The following RAPGEF4 variants were observed in gnomAD, a reference collection of about 807,000 sequenced individuals.
RAPGEF4 encodes the protein RAP guanine-nucleotide-exchange factor (GEF) 4.
A neutral mutation model predicts 147.9 loss-of-function variants in RAPGEF4; 66 were observed. The ratio of observed to expected loss-of-function variants is 0.45; its 90% CI spans 0.37 to 0.55. The LOEUF is 0.55. RAPGEF4 is among the 20% of genes least tolerant of loss of function. The pLI is 0.00. For missense variants in RAPGEF4, 1,071 were observed against 1,257.3 expected (o/e 0.85, Z 2.24); for synonymous variants, 419 against 442.7 (o/e 0.95, Z 0.67).
intron 1 of RAPGEF4, among the ~76,000 whole-genome samples, chr2:172,754,838 G>C (rs936539686): frequency 5.3e-5 from 8 of 152,004 alleles, no homozygotes; most frequent in Non-Finnish European, 8.8e-5. Flanking sequence ...GTCAGGAGAT[G>C]GAGACCATCC....
chr2:172,858,075 A>G (rs1167670449), intron 4 of RAPGEF4, among the ~76,000 whole-genome samples: 1 of 152,154 alleles, frequency 6.6e-6, no homozygotes, highest in Admixed American at 6.5e-5. Flanking sequence ...ACAGTTATGG[A>G]TAAATAGTAA....
chr2:173,040,003 A>G (rs1684556485), intron 29 of RAPGEF4, among the ~76,000 whole-genome samples: 1 of 152,104 alleles, frequency 6.6e-6, no homozygotes, highest in South Asian at 2.1e-4. Context: ...CAGCCTGGCC[A>G]ACATGGTGAA....
rs940541437 is a variant in RAPGEF4, at chr2:172,929,736, C to G, written c.537+7436C>G. ...ATAGGACTATGAAAATATGGCACTG[C>G]AGCCTAGACAGAAGCACACGTGAAC... On this transcript the variant is annotated intron_variant, in intron 6 of 30. Coordinates refer to ENST00000397081, the MANE Select transcript of RAPGEF4 (RefSeq NM_007023.4). 6.5e-4 allele frequency among the ~76,000 whole-genome samples: 99 copies of G among 152,282 alleles called. 1 individual carries two copies. Among genetic ancestry groups the G allele is most frequent in the African/African-American group, 2.3e-3 (96 of 41,550 alleles).
chr2:172,945,115 T>C (rs1340528602), intron 6 of RAPGEF4, among the ~76,000 whole-genome samples: 1 of 152,198 alleles, frequency 6.6e-6, no homozygotes, highest in Admixed American at 6.5e-5. Context: ...ACTGTTGGCA[T>C]ATCTAATTGA....
intron 4 of RAPGEF4, among the ~76,000 whole-genome samples, chr2:172,851,354 G>A (rs1287949157): frequency 1.3e-5 from 2 of 152,084 alleles, no homozygotes; most frequent in Non-Finnish European, 2.9e-5. Flanking sequence ...TTTTATGGCC[G>A]ATTGTGTGGT....
At chr2:172,832,978 C>T (rs1056499114) in intron 4 of RAPGEF4, among the ~76,000 whole-genome samples, 3 of 152,140 alleles carry the variant, frequency 2.0e-5, no homozygotes, top group African/African-American at 4.8e-5. Flanking sequence ...CCAAGGTGGG[C>T]GGATCGCCTG....
intron 6 of RAPGEF4, among the ~76,000 whole-genome samples, chr2:172,932,420 G>A (rs190869910): frequency 2.3e-4 from 35 of 152,294 alleles, no homozygotes; most frequent in Admixed American, 2.2e-3. Context: ...GTTAATCAGC[G>A]AGTTTTTATG....
At chr2:172,822,806 T>C (rs1246908166) in intron 4 of RAPGEF4, among the ~76,000 whole-genome samples, 1 of 152,200 alleles carries the variant, frequency 6.6e-6, no homozygotes, top group Non-Finnish European at 1.5e-5. Context: ...CACTGTTCTC[T>C]TACACTGGGT....
chr2:173,034,331 G>A (rs1216630505), intron 27 of RAPGEF4, among the ~76,000 whole-genome samples: 2 of 152,148 alleles, frequency 1.3e-5, no homozygotes, highest in Admixed American at 6.5e-5. Context: ...AGTTGGGCTC[G>A]CCGGGAGTGA....
chr2:172,917,815 A>G lies in RAPGEF4; in HGVS notation c.458A>G (p.Tyr153Cys), dbSNP rs1170222525. The change falls in exon 5 of 31, where the codon TAT becomes TGT. Residue 153 changes from tyrosine to cysteine, a missense_variant. Physicochemically the swap from Tyr to Cys is radical, Grantham distance 194. Coordinates refer to ENST00000397081, the MANE Select transcript of RAPGEF4 (RefSeq NM_007023.4). ...CTTGTCTTTCAGAAATATCGACAGT[A>G]TATGGCAGGACTTCTGGCTCCTCCT... ...FKALWEKYRQ[Y>C]MAGLLAPPYG... is the part of the protein sequence containing the mutation. The G allele has an allele frequency of 6.2e-7, 1 of 1,613,374 alleles. No homozygotes were observed. Among genetic ancestry groups the G allele is most frequent in the Admixed American group, 1.7e-5 (1 of 60,028 alleles).
intron 6 of RAPGEF4, among the ~76,000 whole-genome samples, chr2:172,941,729 A>T (rs964967332): frequency 2.6e-5 from 4 of 152,114 alleles, no homozygotes; most frequent in African/African-American, 9.7e-5. Flanking sequence ...TGACTGCTTG[A>T]GCTCAATGCT....
At chr2:173,021,692 G>A (rs1335125756) in intron 23 of RAPGEF4, among the ~76,000 whole-genome samples, 1 of 152,210 alleles carries the variant, frequency 6.6e-6, no homozygotes, top group Non-Finnish European at 1.5e-5. Context: ...TAGGTTTCAA[G>A]TTTGATCAGA....
intron 6 of RAPGEF4, among the ~76,000 whole-genome samples, chr2:172,936,229 A>C (rs1036007432): frequency 2.0e-5 from 3 of 152,124 alleles, no homozygotes; most frequent in African/African-American, 7.2e-5. Flanking sequence ...TTAGCCGGGC[A>C]TGGCGTGTGT....
At chr2:172,859,941 A>G (rs555585577) in intron 4 of RAPGEF4, 385 of 785,098 alleles carry the variant, frequency 4.9e-4, no homozygotes, top group Non-Finnish European at 5.8e-4. Flanking sequence ...TAGAATAAAC[A>G]GTGGAATCCT....
intron 6 of RAPGEF4, among the ~76,000 whole-genome samples, chr2:172,934,858 A>G (rs1686385154): frequency 6.6e-6 from 1 of 152,174 alleles, no homozygotes; most frequent in South Asian, 2.1e-4. Flanking sequence ...TACAGGTGGC[A>G]GAAACCTGGA....
rs184344093 is a variant in RAPGEF4 at position 172,737,363 on chromosome 2, C to A, written c.65+1315C>A. Among the ~76,000 whole-genome samples the A allele has an allele frequency of 1.2e-4, 19 of 152,284 alleles. No individual in the cohort carries two copies. The East Asian group carries it at 3.7e-3, about 29-fold the overall frequency. On this transcript the variant is annotated intron_variant, in intron 1 of 30. Transcript: ENST00000397081. ...AGGTTGTTAATGTGATAAGTATCTA[C>A]ATTTAATAGTTCAGGAAAAAGGAAT... is the stretch of plus-strand genomic sequence containing the variant.
rs192189732 is a variant in RAPGEF4, at chr2:173,030,692, A to G, written c.2649+438A>G. Among the ~76,000 whole-genome samples the G allele has an allele frequency of 3.9e-5, 6 of 152,342 alleles. No individual in the cohort carries two copies. In the East Asian group the frequency reaches 1.2e-3, roughly 29 times the overall value. ...TCCAAGTACTCATTTTGCTTCTGGA[A>G]GGAAGAGCCAGGAAGCCAACTGTTT... On this transcript the variant is annotated intron_variant, in intron 26 of 30. Coordinates refer to ENST00000397081, the MANE Select transcript of RAPGEF4 (RefSeq NM_007023.4).
Position 173,036,261 on chromosome 2 carries a change from A to C in RAPGEF4, c.2788+49A>C, listed in dbSNP as rs755948629. 9.5e-6 allele frequency: 13 copies of C among 1,374,722 alleles called. No homozygotes were observed. The Middle Eastern group carries it at 1.9e-3, about 196-fold the overall frequency. The allele number at this position is 1,374,722 out of a possible 1,614,324, so 85.2% of individuals were successfully genotyped here. A position where few individuals can be genotyped will look rare whatever the true frequency, so the allele number is the denominator to read the frequency against. On this transcript the variant is annotated intron_variant, in intron 28 of 30. Coordinates refer to ENST00000397081, the MANE Select transcript of RAPGEF4 (RefSeq NM_007023.4). Reference sequence around the variant, plus strand: ...CCAAGCAGGTGATGAGTATTTGGGGAGGGAAATGAACAATACCTTGATAAG... The same window carrying C: ...CCAAGCAGGTGATGAGTATTTGGGGCGGGAAATGAACAATACCTTGATAAG...
chr2:173,044,122 C>T (rs1188738738), intron 29 of RAPGEF4, among the ~76,000 whole-genome samples: 11 of 152,078 alleles, frequency 7.2e-5, no homozygotes, highest in Non-Finnish European at 1.2e-4. Context: ...GAGTGCTGGC[C>T]GGCTCTATTT....
Sources: gnomAD v4.1 joint callset for allele counts (sites outside exome capture counted in the v4.1 genomes callset) on GRCh38, gnomAD v4.1.1 for gene constraint, MANE v1.5 for transcripts, NCBI Gene and HGNC (gene_info 2026-07-23, HGNC 2026-07-21) for gene names.